NELL1: variants seen among roughly 807,000 people sequenced by gnomAD.
The protein encoded by NELL1 is protein kinase C-binding protein NELL1.
A neutral mutation model predicts 107.4 loss-of-function variants in NELL1; 76 were observed. The observed-to-expected ratio is 0.71, with a 90% CI of 0.59 to 0.86. The LOEUF is 0.86. Ranked by LOEUF, NELL1 falls within the 40% of genes least tolerant of loss-of-function variation. NELL1 has a pLI of 0.00. For synonymous variants in NELL1, 353 were observed against 341.2 expected, an observed-to-expected ratio of 1.03 and a Z score of -0.38; for missense variants, 1,024 against 1,005.5, an observed-to-expected ratio of 1.02 and a Z score of -0.25.
At chr11:21,536,767 A>C (rs1273453107) in intron 16 of NELL1, among the ~76,000 whole-genome samples, 1 of 152,194 alleles carries the variant, frequency 6.6e-6, no homozygotes, top group Admixed American at 6.5e-5. Flanking sequence ...TGGTTTGGAT[A>C]CAAGTTGAGG....
intron 11 of NELL1, among the ~76,000 whole-genome samples, chr11:20,948,179 A>G (rs565108295): frequency 6.6e-6 from 1 of 151,948 alleles, no homozygotes. Context: ...AGTAGCTGGG[A>G]CTTCACAGGC....
intron 2 of NELL1, chr11:20,773,443 G>A (rs528217535): frequency 6.6e-6 from 1 of 152,038 alleles, no homozygotes; most frequent in South Asian, 2.1e-4. Flanking sequence ...GAGGCACAGA[G>A]AGATTAAATT....
intron 15 of NELL1, among the ~76,000 whole-genome samples, chr11:21,408,892 C>T (rs1852297778): frequency 6.6e-6 from 1 of 151,940 alleles, no homozygotes; most frequent in Admixed American, 6.6e-5. Flanking sequence ...TACCATCTCA[C>T]ACCAATTAGA....
At chr11:20,804,549 T>C (rs1422201128) in intron 3 of NELL1, among the ~76,000 whole-genome samples, 2 of 152,236 alleles carry the variant, frequency 1.3e-5, no homozygotes, top group African/African-American at 4.8e-5. Flanking sequence ...CCATTGGTCA[T>C]TTAGGAGCCT....
At chr11:20,886,234 T>C (rs557499170) in intron 5 of NELL1, among the ~76,000 whole-genome samples, 17 of 152,272 alleles carry the variant, frequency 1.1e-4, no homozygotes, top group Admixed American at 2.6e-4. Flanking sequence ...AACCTGCGTG[T>C]GTACCCCCTA....
intron 2 of NELL1, among the ~76,000 whole-genome samples, chr11:20,762,753 G>C (rs1856449833): frequency 6.6e-6 from 1 of 151,894 alleles, no homozygotes; most frequent in African/African-American, 2.4e-5. Context: ...ATTATTCTGT[G>C]GTTGATCAAA....
chr11:21,121,518 G>T (rs1855367524), intron 13 of NELL1, among the ~76,000 whole-genome samples: 1 of 152,084 alleles, frequency 6.6e-6, no homozygotes, highest in Non-Finnish European at 1.5e-5. Flanking sequence ...TGTGTTCCAT[G>T]GGCTGAGGAT....
chr11:21,271,760 A>G (rs561132714), intron 14 of NELL1, among the ~76,000 whole-genome samples: 1 of 152,214 alleles, frequency 6.6e-6, no homozygotes, highest in Non-Finnish European at 1.5e-5. Flanking sequence ...ACAGTTATTT[A>G]AAAAAATACA....
chr11:20,992,536 AT>A (rs1182508879), intron 12 of NELL1, among the ~76,000 whole-genome samples: 4 of 152,058 alleles, frequency 2.6e-5, no homozygotes, highest in African/African-American at 9.7e-5. Context: ...GTTTTTTGTC[AT>A]TTATAAGTCT....
intron 16 of NELL1, among the ~76,000 whole-genome samples, chr11:21,552,369 A>T (rs1021771757): frequency 2.0e-5 from 3 of 151,714 alleles, no homozygotes; most frequent in African/African-American, 7.3e-5. Flanking sequence ...TTTATCAGAG[A>T]GTCTGCTCAG....
intron 12 of NELL1, among the ~76,000 whole-genome samples, chr11:20,973,630 T>C (rs1011267129): frequency 9.2e-5 from 14 of 152,214 alleles, no homozygotes; most frequent in African/African-American, 3.4e-4. Context: ...TAGATATATC[T>C]TGTTAATTTC....
chr11:20,988,105 A>C (rs1227356609), intron 12 of NELL1, among the ~76,000 whole-genome samples: 46 of 152,132 alleles, frequency 3.0e-4, no homozygotes, highest in Admixed American at 3.0e-3. Context: ...TCAATCTGCT[A>C]TTTGGTAGTT....
Position 21,183,924 on chromosome 11 carries a change from G to A in NELL1, c.1427-45408G>A, listed in dbSNP as rs760723764. Among the ~76,000 whole-genome samples, 19 of 151,734 alleles carry A rather than the reference G, an allele frequency of 1.3e-4. 1 individual carries two copies. Among genetic ancestry groups the A allele is most frequent in the African/African-American group, 2.2e-4 (9 of 41,070 alleles). On this transcript the variant is annotated intron_variant, in intron 13 of 19. Coordinates refer to ENST00000357134, the MANE Select transcript of NELL1 (RefSeq NM_006157.5). ...CAAAAGGAAAAAAATCTGCGTTTCC[G>A]TTACTATGATCATTTTTGGGGGCTC...
intron 9 of NELL1, among the ~76,000 whole-genome samples, chr11:20,931,875 G>T (rs1437375143): frequency 6.8e-6 from 1 of 146,318 alleles, no homozygotes; most frequent in Non-Finnish European, 1.5e-5. Flanking sequence ...CTGACTTTAG[G>T]TGGGGTAGTA....
At chr11:20,746,537 A>G (rs74545491) in intron 2 of NELL1, among the ~76,000 whole-genome samples, 5,325 of 150,996 alleles carry the variant, frequency 0.035, 306 homozygotes, top group African/African-American at 0.12. Flanking sequence ...AGTGGTTATG[A>G]TTATTTAAAA....
At chr11:21,551,757 T>C (rs1856593006) in intron 16 of NELL1, among the ~76,000 whole-genome samples, 1 of 151,216 alleles carries the variant, frequency 6.6e-6, no homozygotes, top group African/African-American at 2.4e-5. Flanking sequence ...GAACTAGAAA[T>C]ACCATTTGAC....
intron 14 of NELL1, among the ~76,000 whole-genome samples, chr11:21,229,812 T>C (rs1439931775): frequency 1.3e-5 from 2 of 152,216 alleles, no homozygotes; most frequent in Non-Finnish European, 1.5e-5. Context: ...CTGTCCACAC[T>C]TGAGGTATCT....
intron 3 of NELL1, among the ~76,000 whole-genome samples, chr11:20,790,062 C>T (rs1032589740): frequency 6.6e-6 from 1 of 152,188 alleles, no homozygotes; most frequent in African/African-American, 2.4e-5. Flanking sequence ...CATGGGCAGC[C>T]ATGGATAGGC....
At chr11:21,061,184 A>G (rs1027740745) in intron 12 of NELL1, among the ~76,000 whole-genome samples, 1 of 152,248 alleles carries the variant, frequency 6.6e-6, no homozygotes, top group African/African-American at 2.4e-5. Context: ...AGACAGATAA[A>G]GCCTGAGTTC....
Sources: allele counts gnomAD v4.1 joint callset (sites outside exome capture counted in the v4.1 genomes callset), GRCh38; gene constraint gnomAD v4.1.1; transcripts MANE v1.5; gene names NCBI Gene and HGNC (gene_info 2026-07-23, HGNC 2026-07-21).